The following DHX9 variants were observed in gnomAD, a reference collection of about 807,000 sequenced individuals.
DHX9 encodes DExH-box helicase 9.
A neutral mutation model predicts 148.7 loss-of-function variants in DHX9; 27 were observed. The ratio of observed to expected loss-of-function variants is 0.18; its 90% confidence interval spans 0.13 to 0.25. The LOEUF is 0.25. DHX9 is among the 10% of genes least tolerant of loss of function. DHX9 has a pLI of 1.00. For missense variants in DHX9, 796 were observed against 1,559.6 expected (o/e 0.51, Z 8.25); for synonymous variants, 529 against 516.6 (o/e 1.02, Z -0.33).
rs201791149 is a variant in DHX9 at position 182,883,847 on chromosome 1, C to T, written c.3260+212C>T. Among the ~76,000 whole-genome samples, 68 of 96,084 alleles carry T rather than the reference C, an allele frequency of 7.1e-4. No homozygotes were observed. The South Asian group carries it at 0.021, about 29-fold the overall frequency. 63.0% of individuals were successfully genotyped at this position (96,084 alleles called of 152,430 possible). ...CACACCACCACTATGGAATCAGAAT[C>T]TAAGTGAAGCTTGAGTACCCTTTCA... On this transcript the variant is annotated intron_variant, in intron 26 of 27. Transcript: ENST00000367549.
chr1:182,884,822 C>T lies in DHX9; in HGVS notation c.3461+9C>T, dbSNP rs763252702. The stretch of plus-strand genomic sequence containing the variant: ...ATGATTGGCAGTACACGGTGAGTAC[C>T]AATATACTTCTTACTGAACCAAGTA... On this transcript the variant is annotated intron_variant, in intron 27 of 27. Coordinates refer to ENST00000367549, the MANE Select transcript of DHX9 (RefSeq NM_001357.5). 6.2e-7 allele frequency: 1 copy of T among 1,613,226 alleles called. No homozygotes were observed. Among genetic ancestry groups the T allele is most frequent in the Non-Finnish European group, 8.5e-7 (1 of 1,179,258 alleles).
intron 27 of DHX9, among the ~76,000 whole-genome samples, chr1:182,885,393 TA>T (rs1467288463): frequency 2.0e-5 from 3 of 152,218 alleles, no homozygotes; most frequent in African/African-American, 7.2e-5. Context: ...ATATAGTCTT[TA>T]TTTAGGTTCA....
chr1:182,868,940 T>C (rs1461488900), intron 14 of DHX9, among the ~76,000 whole-genome samples: 1 of 152,238 alleles, frequency 6.6e-6, no homozygotes. Flanking sequence ...TCTTTTGTCC[T>C]TTATAATCTC....
intron 2 of DHX9, among the ~76,000 whole-genome samples, chr1:182,842,945 G>A (rs1667958103): frequency 6.6e-6 from 1 of 152,152 alleles, no homozygotes; most frequent in Non-Finnish European, 1.5e-5. Flanking sequence ...TCAACTGTTT[G>A]CAGTTTTATA....
At chr1:182,862,861 T>C (rs1668387448) in intron 12 of DHX9, among the ~76,000 whole-genome samples, 2 of 152,218 alleles carry the variant, frequency 1.3e-5, no homozygotes, top group African/African-American at 4.8e-5. Context: ...AAGTGTTAGT[T>C]ACCCAGTACC....
intron 2 of DHX9, 74 bp downstream of exon 2, chr1:182,842,751 T>A: frequency 1.7e-6 from 2 of 1,194,062 alleles, no homozygotes; most frequent in Non-Finnish European, 2.4e-6. Flanking sequence ...ATGTTTTCTG[T>A]TTGGAGATGT....
chr1:182,879,951 C>G (rs1048486892), intron 21 of DHX9, among the ~76,000 whole-genome samples: 4 of 152,042 alleles, frequency 2.6e-5, no homozygotes, highest in African/African-American at 9.7e-5. Flanking sequence ...CTGAAACTCC[C>G]GACCTCAAGT....
chr1:182,877,805 G>A, intron 19 of DHX9: 1 of 541,114 alleles, frequency 1.8e-6, no homozygotes, highest in Non-Finnish European at 3.2e-6. Context: ...CAGTTCAGCT[G>A]ATAAGTGGCA....
chr1:182,858,622 T>C lies in DHX9; in HGVS notation c.882T>C (p.Asn294=). The C allele has an allele frequency of 6.2e-7, 1 of 1,609,460 alleles. No homozygotes were observed. The highest frequency in any genetic ancestry group is 8.5e-7 in the Non-Finnish European group (1 of 1,176,394). Residue 294 remains asparagine (N), a synonymous_variant, in exon 9 of 28, where the codon AAT becomes AAC. Coordinates refer to ENST00000367549, the MANE Select transcript of DHX9 (RefSeq NM_001357.5). ...TGCAAAACATCATTCAAGAGCTAAA[T>C]CTTGAGATTTTGCCCCCGGTAAGCA... ...HQLQNIIQEL[N]LEILPPPEDP...
At chr1:182,870,891 G>C (rs12057737) in intron 14 of DHX9, among the ~76,000 whole-genome samples, 6,078 of 152,186 alleles carry the variant, frequency 0.04, 298 homozygotes, top group African/African-American at 0.11. Flanking sequence ...AGTTACATTT[G>C]AGATATTTTG....
intron 4 of DHX9, 127 bp from the exon 5 acceptor site, chr1:182,853,179 C>A: frequency 1.6e-6 from 1 of 639,562 alleles, no homozygotes; most frequent in Non-Finnish European, 2.7e-6. Flanking sequence ...CCCACCTCAG[C>A]GTCCGGAAGT....
At position 182,887,389 on chromosome 1, in the gene DHX9, T is replaced by C; in HGVS notation, c.3768T>C (p.Tyr1256=). ...AGCGAGGAGGTGGTAGGGGGGCCTA[T>C]GGAACTGGCTACTTTGGACAGGGAA... The part of the protein sequence containing the change: ...GFQRGGGRGA[Y]GTGYFGQGRG... Residue 1256 remains tyrosine (Y), a synonymous_variant, in exon 28 of 28, where the codon TAT becomes TAC. Transcript: ENST00000367549. 5 of 1,613,974 alleles carry C rather than the reference T, an allele frequency of 3.1e-6. 1 individual carries two copies. In the South Asian group the frequency reaches 3.3e-5, roughly 11 times the overall value.
chr1:182,885,845 T>C (rs900076166), intron 27 of DHX9, among the ~76,000 whole-genome samples: 2 of 152,180 alleles, frequency 1.3e-5, no homozygotes, highest in African/African-American at 2.4e-5. Flanking sequence ...ATAACCGTCA[T>C]AGGCAGATAA....
intron 20 of DHX9, among the ~76,000 whole-genome samples, chr1:182,878,754 C>T (rs1238365210): frequency 6.6e-6 from 1 of 152,130 alleles, no homozygotes; most frequent in Admixed American, 6.5e-5. Context: ...ATCCAAAACG[C>T]TCTAATGAGC....
rs150115650 is a variant in DHX9 at position 182,851,521 on chromosome 1, T to G, written c.253-712T>G. Among the ~76,000 whole-genome samples the G allele has an allele frequency of 1.8e-4, 27 of 152,266 alleles. No homozygotes were observed. The East Asian group carries it at 4.8e-3, about 27-fold the overall frequency. On this transcript the variant is annotated intron_variant, in intron 3 of 27. Transcript: ENST00000367549. ...AAATTAATAGCGATAAAATCAGAAA[T>G]TGCTGAATTAGAAAGTAAAAATAAG...
rs778541130 is a variant in DHX9, at chr1:182,880,623, T to C, written c.2624+15T>C. 2.9e-5 allele frequency: 44 copies of C among 1,511,014 alleles called. No individual in the cohort carries two copies. Among genetic ancestry groups the C allele is most frequent in the Admixed American group, 1.0e-4 (6 of 59,588 alleles). The allele number at this position is 1,511,014 out of a possible 1,614,324, so 93.6% of individuals were successfully genotyped here. A position where few individuals can be genotyped will look rare whatever the true frequency, so the allele number is the denominator to read the frequency against. ...TGTATTTTCTAGTAAGTGCTTTGTT[T>C]TATTTCTCTTCGTTAAGTGGCAGAA... On this transcript the variant is annotated intron_variant, in intron 22 of 27. Coordinates refer to ENST00000367549, the MANE Select transcript of DHX9 (RefSeq NM_001357.5).
At chr1:182,872,805 G>A (rs1648604221) in intron 15 of DHX9, among the ~76,000 whole-genome samples, 1 of 152,184 alleles carries the variant, frequency 6.6e-6, no homozygotes, top group Admixed American at 6.5e-5. Flanking sequence ...TCACTGTGGT[G>A]TATAGGTAAT....
intron 7 of DHX9, among the ~76,000 whole-genome samples, chr1:182,856,871 A>T (rs1012114507): frequency 6.6e-6 from 1 of 152,086 alleles, no homozygotes; most frequent in Admixed American, 6.5e-5. Flanking sequence ...GTTTTTTGAG[A>T]CGGAGTCTTG....
chr1:182,841,063 G>A (rs1667918264), intron 1 of DHX9, among the ~76,000 whole-genome samples: 2 of 152,026 alleles, frequency 1.3e-5, no homozygotes, highest in East Asian at 1.9e-4. Context: ...AGGTTGAGGC[G>A]GGCCGATCAA....
Sources: allele counts gnomAD v4.1 joint callset (sites outside exome capture counted in the v4.1 genomes callset), GRCh38; gene constraint gnomAD v4.1.1; transcripts MANE v1.5; gene names NCBI Gene and HGNC (gene_info 2026-07-23, HGNC 2026-07-21).